Variants in KCNH7 observed in about 807,000 individuals in gnomAD.
KCNH7 encodes the protein voltage-gated inwardly rectifying potassium channel KCNH7.
A neutral mutation model predicts 120.8 loss-of-function variants in KCNH7; 49 were observed. That is an observed-to-expected ratio of 0.41 (90% CI 0.32 to 0.51). KCNH7 has a LOEUF of 0.51. Ranked by LOEUF, KCNH7 falls within the 20% of genes least tolerant of loss-of-function variation. The pLI is 0.38. For synonymous variants in KCNH7, 547 were observed against 516.1 expected, an observed-to-expected ratio of 1.06 and a Z score of -0.81; for missense variants, 1,097 against 1,446.6, an observed-to-expected ratio of 0.76 and a Z score of 3.92.
intron 2 of KCNH7, among the ~76,000 whole-genome samples, chr2:162,540,319 A>T (rs1420575410): frequency 6.6e-6 from 1 of 151,012 alleles, no homozygotes; most frequent in African/African-American, 2.5e-5. Flanking sequence ...GAGTGAAAAC[A>T]TTTCCAAAGT....
At chr2:162,400,019 C>T (rs1232544678) in intron 10 of KCNH7, among the ~76,000 whole-genome samples, 170 bp downstream of exon 10, 1 of 151,932 alleles carries the variant, frequency 6.6e-6, no homozygotes, top group Non-Finnish European at 1.5e-5. Flanking sequence ...AACATATTTT[C>T]TGAAAGGTTA....
At chr2:162,436,384 G>A (rs1176998949) in intron 7 of KCNH7, among the ~76,000 whole-genome samples, 1 of 152,064 alleles carries the variant, frequency 6.6e-6, no homozygotes, top group Non-Finnish European at 1.5e-5. Flanking sequence ...ATTTCTTGAT[G>A]TCCCAGTGAT....
chr2:162,514,938 C>T (rs189625732), intron 4 of KCNH7, among the ~76,000 whole-genome samples: 26 of 151,780 alleles, frequency 1.7e-4, no homozygotes, highest in East Asian at 7.8e-4. Context: ...AACCCAACTT[C>T]GAAATCTTGT....
chr2:162,478,874 TG>T (rs1475608458), intron 6 of KCNH7, among the ~76,000 whole-genome samples: 4 of 152,188 alleles, frequency 2.6e-5, no homozygotes, highest in Non-Finnish European at 5.9e-5. Context: ...TGCCCTGGAA[TG>T]CATCCCGTTT....
intron 3 of KCNH7, among the ~76,000 whole-genome samples, chr2:162,523,396 C>T (rs776111751): frequency 5.9e-5 from 9 of 151,832 alleles, no homozygotes; most frequent in Admixed American, 2.0e-4. Flanking sequence ...CATATATGTG[C>T]TAGTCACATT....
chr2:162,460,806 T>C (rs1689121879), intron 6 of KCNH7, among the ~76,000 whole-genome samples: 1 of 152,200 alleles, frequency 6.6e-6, no homozygotes, highest in African/African-American at 2.4e-5. Flanking sequence ...TATTGTTTCT[T>C]TCACTTTACA....
At chr2:162,779,531 T>C (rs1465992188) in intron 2 of KCNH7, among the ~76,000 whole-genome samples, 1 of 152,182 alleles carries the variant, frequency 6.6e-6, no homozygotes, top group Non-Finnish European at 1.5e-5. Flanking sequence ...TTTATACGCG[T>C]GCACACAATA....
chr2:162,596,616 G>A (rs1471232990), intron 2 of KCNH7, among the ~76,000 whole-genome samples: 1 of 152,132 alleles, frequency 6.6e-6, no homozygotes, highest in South Asian at 2.1e-4. Flanking sequence ...AGAAAACATA[G>A]GGGAAAATCT....
intron 2 of KCNH7, among the ~76,000 whole-genome samples, chr2:162,757,923 T>G (rs948328739): frequency 6.6e-6 from 1 of 152,162 alleles, no homozygotes; most frequent in Admixed American, 6.5e-5. Context: ...TGAGATATAT[T>G]CCTTATTCTC....
chr2:162,375,307 A>G (rs928207260), intron 14 of KCNH7, among the ~76,000 whole-genome samples: 1 of 152,234 alleles, frequency 6.6e-6, no homozygotes, highest in Non-Finnish European at 1.5e-5. Context: ...AGATCCAAAA[A>G]TGAGTCAAAA....
intron 2 of KCNH7, among the ~76,000 whole-genome samples, chr2:162,585,370 C>G (rs1208461156): frequency 6.6e-6 from 1 of 151,938 alleles, no homozygotes; most frequent in Non-Finnish European, 1.5e-5. Context: ...TTCTTCTGCC[C>G]CACAACTAGC....
chr2:162,705,556 A>G (rs981316007), intron 2 of KCNH7, among the ~76,000 whole-genome samples: 25 of 152,064 alleles, frequency 1.6e-4, no homozygotes, highest in African/African-American at 5.8e-4. Context: ...GTCTCCTCTG[A>G]TGTAAATTCA....
chr2:162,383,334 G>A (rs571795093), intron 13 of KCNH7, among the ~76,000 whole-genome samples: 2 of 151,896 alleles, frequency 1.3e-5, no homozygotes, highest in African/African-American at 4.8e-5. Flanking sequence ...TAACTAAAAT[G>A]GGACATTTGG....
At chr2:162,530,474 A>C (rs548868822) in intron 3 of KCNH7, among the ~76,000 whole-genome samples, 1 of 147,156 alleles carries the variant, frequency 6.8e-6, no homozygotes, top group African/African-American at 2.6e-5. Flanking sequence ...GCGTGCGCGC[A>C]CACACACACA....
chr2:162,385,599 A>G (rs894440660), intron 12 of KCNH7, among the ~76,000 whole-genome samples: 2 of 151,932 alleles, frequency 1.3e-5, no homozygotes, highest in Non-Finnish European at 1.5e-5. Context: ...GGATAATTTC[A>G]GTCCTGAAGG....
chr2:162,543,403 C>A (rs970869143), intron 2 of KCNH7, among the ~76,000 whole-genome samples: 3 of 151,894 alleles, frequency 2.0e-5, no homozygotes, highest in Admixed American at 2.0e-4. Context: ...ACTAGGATGA[C>A]CCTTTCAGAA....
intron 2 of KCNH7, among the ~76,000 whole-genome samples, chr2:162,816,854 T>C (rs79717497): frequency 1.3e-5 from 2 of 152,006 alleles, no homozygotes; most frequent in African/African-American, 4.8e-5. Context: ...ATGTTGAAAA[T>C]TTTTTTTAAA....
chr2:162,686,090 A>T (rs1685880825), intron 2 of KCNH7, among the ~76,000 whole-genome samples: 1 of 152,048 alleles, frequency 6.6e-6, no homozygotes, highest in Non-Finnish European at 1.5e-5. Flanking sequence ...CTATTAAGAA[A>T]AGTTTAGTGT....
At chr2:162,585,123 T>C (rs1159521934) in intron 2 of KCNH7, among the ~76,000 whole-genome samples, 1 of 152,022 alleles carries the variant, frequency 6.6e-6, no homozygotes, top group Non-Finnish European at 1.5e-5. Context: ...TGGATGGAAC[T>C]GCTGGGTGTG....
Sources: allele counts gnomAD v4.1 joint callset (sites outside exome capture counted in the v4.1 genomes callset), GRCh38; gene constraint gnomAD v4.1.1; transcripts MANE v1.5; gene names NCBI Gene and HGNC (gene_info 2026-07-23, HGNC 2026-07-21).